The following EML4 variants were observed in gnomAD, a reference collection of about 807,000 sequenced individuals.
EML4 encodes the protein echinoderm microtubule-associated protein-like 4.
EML4 carries 72 observed loss-of-function variants against 129.0 expected under a neutral mutation model. That is an observed-to-expected ratio of 0.56 (90% CI 0.46 to 0.68). The LOEUF is 0.68. Ranked by LOEUF, EML4 falls within the 30% of genes least tolerant of loss-of-function variation. The pLI, the probability that EML4 is intolerant of heterozygous loss-of-function variation, is 0.00. For synonymous variants in EML4, 532 were observed against 405.0 expected (o/e 1.31, Z -3.77); for missense variants, 1,363 against 1,190.6 (o/e 1.14, Z -2.13).
intron 1 of EML4, among the ~76,000 whole-genome samples, chr2:42,179,940 A>AGAGG (rs755596745): frequency 6.6e-6 from 1 of 152,194 alleles, no homozygotes; most frequent in Non-Finnish European, 1.5e-5. Flanking sequence ...GTGTACATAT[A>AGAGG]GAGGGAGGGA....
At chr2:42,319,407 T>C (rs1669407159) in intron 19 of EML4, 1 of 152,250 alleles carries the variant, frequency 6.6e-6, no homozygotes, top group Non-Finnish European at 1.5e-5. Context: ...TTTGAAGCGT[T>C]TGAAGAAAGT....
intron 1 of EML4, among the ~76,000 whole-genome samples, chr2:42,241,966 G>A (rs968226759): frequency 6.6e-6 from 1 of 152,006 alleles, no homozygotes; most frequent in South Asian, 2.1e-4. Flanking sequence ...TTGAAAAATT[G>A]TTCTTGTGTC....
chr2:42,263,765 C>A (rs62142564), intron 5 of EML4, among the ~76,000 whole-genome samples: 34,569 of 151,404 alleles, frequency 0.23, 5,571 homozygotes, highest in African/African-American at 0.47. Context: ...GAGTCTCACT[C>A]TGTTGCCAGG....
intron 1 of EML4, among the ~76,000 whole-genome samples, chr2:42,202,055 C>G (rs1287928753): frequency 6.6e-6 from 1 of 151,636 alleles, no homozygotes; most frequent in African/African-American, 2.4e-5. Context: ...TGCACTCCAG[C>G]CTGGGTGACA....
chr2:42,250,383 A>G (rs997464213), intron 2 of EML4, among the ~76,000 whole-genome samples: 1 of 152,178 alleles, frequency 6.6e-6, no homozygotes, highest in Admixed American at 6.5e-5. Flanking sequence ...AGGGATTATC[A>G]TAGGTTTGCT....
Position 42,213,415 on chromosome 2 carries a change from A to G in EML4, c.26-32090A>G, listed in dbSNP as rs1167446329. On this transcript the variant is annotated intron_variant, in intron 1 of 22. Coordinates refer to ENST00000318522, the MANE Select transcript of EML4 (RefSeq NM_019063.5). Reference sequence around the variant, plus strand: ...TTTGTGTAGTTACATTTCCATAGCTATGTGGAGTTTTATGAATATATCATA... The same window carrying G: ...TTTGTGTAGTTACATTTCCATAGCTGTGTGGAGTTTTATGAATATATCATA... Among the ~76,000 whole-genome samples the G allele has an allele frequency of 6.6e-5, 10 of 152,306 alleles. No individual in the cohort carries two copies. The East Asian group carries it at 7.7e-4, about 12-fold the overall frequency.
intron 1 of EML4, among the ~76,000 whole-genome samples, chr2:42,171,449 A>T (rs1482007012): frequency 2.0e-5 from 3 of 152,214 alleles, no homozygotes; most frequent in Non-Finnish European, 4.4e-5. Context: ...TGGGGCACTT[A>T]ATGTTTATTT....
intron 1 of EML4, among the ~76,000 whole-genome samples, chr2:42,221,073 C>T (rs1673560827): frequency 6.6e-6 from 1 of 152,160 alleles, no homozygotes; most frequent in Non-Finnish European, 1.5e-5. Flanking sequence ...GTGGAAGCTG[C>T]AGCAGGTTAT....
At chr2:42,200,261 C>G (rs1028686796) in intron 1 of EML4, among the ~76,000 whole-genome samples, 2 of 151,872 alleles carry the variant, frequency 1.3e-5, no homozygotes, top group African/African-American at 4.8e-5. Flanking sequence ...GGAGGCGGAG[C>G]TTGCAGTGAG....
chr2:42,173,791 C>T (rs754696616), intron 1 of EML4, among the ~76,000 whole-genome samples: 7 of 152,164 alleles, frequency 4.6e-5, no homozygotes, highest in African/African-American at 1.7e-4. Flanking sequence ...TTGCAGTGAG[C>T]TATGATTGTA....
chr2:42,191,663 T>C (rs1361619105), intron 1 of EML4, among the ~76,000 whole-genome samples: 2 of 152,252 alleles, frequency 1.3e-5, no homozygotes, highest in Non-Finnish European at 2.9e-5. Flanking sequence ...TGATTTAAAA[T>C]TATTTAATTT....
Position 42,330,294 on chromosome 2 carries a change from A to G in EML4, c.*87A>G. The G allele has an allele frequency of 8.4e-7, 1 of 1,192,272 alleles. No individual in the cohort carries two copies. The allele number at this position is 1,192,272 out of a possible 1,614,324, so 73.9% of individuals were successfully genotyped here. On this transcript the variant is annotated 3_prime_UTR_variant, in exon 23 of 23. Transcript: ENST00000318522. ...GTAACAGGATGGGCAGTGATGGAGA[A>G]TCACTGTTGATTGAGATTTTGGTTT...
intron 6 of EML4, among the ~76,000 whole-genome samples, chr2:42,269,386 C>G (rs1666245384): frequency 6.6e-6 from 1 of 152,152 alleles, no homozygotes; most frequent in African/African-American, 2.4e-5. Flanking sequence ...ACATTTTATA[C>G]ATTCATTCAT....
At chr2:42,292,316 C>T (rs1217963339) in intron 11 of EML4, among the ~76,000 whole-genome samples, 1 of 152,096 alleles carries the variant, frequency 6.6e-6, no homozygotes, top group East Asian at 1.9e-4. Context: ...CATGTGTTTG[C>T]TAGAAGGCAA....
chr2:42,287,914 A>C (rs918300790), intron 10 of EML4, among the ~76,000 whole-genome samples: 1 of 152,162 alleles, frequency 6.6e-6, no homozygotes, highest in Non-Finnish European at 1.5e-5. Flanking sequence ...AGAAGGAAGC[A>C]TAAGATGCAG....
At chr2:42,177,374 A>G (rs1670667377) in intron 1 of EML4, among the ~76,000 whole-genome samples, 1 of 152,094 alleles carries the variant, frequency 6.6e-6, no homozygotes, top group Non-Finnish European at 1.5e-5. Context: ...TAATCCCAAC[A>G]GTTTGGGAGG....
At chr2:42,259,607 CT>C (rs1665581311) in intron 3 of EML4, among the ~76,000 whole-genome samples, 1 of 151,482 alleles carries the variant, frequency 6.6e-6, no homozygotes, top group South Asian at 2.1e-4. Context: ...CCATAAATAA[CT>C]TTCTAAAATT....
At chr2:42,322,819 TA>T (rs1478817550) in intron 19 of EML4, among the ~76,000 whole-genome samples, 1 of 152,148 alleles carries the variant, frequency 6.6e-6, no homozygotes, top group Non-Finnish European at 1.5e-5. Flanking sequence ...GTGGGGAGGG[TA>T]ACATAGACCC....
chr2:42,220,360 C>G (rs1015659310), intron 1 of EML4, among the ~76,000 whole-genome samples: 1 of 151,366 alleles, frequency 6.6e-6, no homozygotes, highest in Non-Finnish European at 1.5e-5. Context: ...TTTGCTAGTT[C>G]TCACAGTATT....
Sources: gnomAD v4.1 joint callset for allele counts (sites outside exome capture counted in the v4.1 genomes callset) on GRCh38, gnomAD v4.1.1 for gene constraint, MANE v1.5 for transcripts, NCBI Gene and HGNC (gene_info 2026-07-23, HGNC 2026-07-21) for gene names.